The following SPEF2 variants were observed in gnomAD, a reference collection of about 807,000 sequenced individuals.
The protein encoded by SPEF2 is sperm flagella and cilia-associated protein 2.
A neutral mutation model predicts 224.6 loss-of-function variants in SPEF2; 187 were observed. The ratio of observed to expected loss-of-function variants is 0.83; its 90% CI spans 0.74 to 0.94. The LOEUF (loss-of-function observed/expected upper bound fraction) is 0.94, where lower values mean the gene tolerates loss of function less well. Ranked by LOEUF, SPEF2 falls within the 40% of genes least tolerant of loss-of-function variation. SPEF2 has a pLI of 0.00. For synonymous variants in SPEF2, 715 were observed against 707.3 expected (o/e 1.01, Z -0.17); for missense variants, 2,170 against 2,135.6 (o/e 1.02, Z -0.32).
Position 35,806,811 on chromosome 5 carries a change from G to A in SPEF2, c.5115G>A (p.Gln1705=), listed in dbSNP as rs922873944. The A allele has an allele frequency of 6.2e-7, 1 of 1,613,838 alleles. No homozygotes were observed. Among genetic ancestry groups the A allele is most frequent in the African/African-American group, 1.3e-5 (1 of 74,906 alleles). The stretch of plus-strand genomic sequence containing the variant: ...AAGACGACACGGAGAAAAGGGAACA[G>A]AAGGATGAAGAAATCCCTGAAAATG... ...KLKDDTEKRE[Q]KDEEIPENAN... is the part of the protein sequence containing the mutation. The change falls in exon 35 of 37, where the codon CAG becomes CAA. Residue 1705 remains glutamine (Q), a synonymous_variant. Coordinates refer to ENST00000356031, the MANE Select transcript of SPEF2 (RefSeq NM_024867.4).
chr5:35,725,958 A>G (rs1354172988), intron 20 of SPEF2, among the ~76,000 whole-genome samples: 3 of 152,196 alleles, frequency 2.0e-5, no homozygotes, highest in African/African-American at 4.8e-5. Flanking sequence ...TGAGGACTCA[A>G]TGATCCAACT....
intron 25 of SPEF2, among the ~76,000 whole-genome samples, chr5:35,762,740 A>T (rs1286542534): frequency 6.6e-6 from 1 of 152,172 alleles, no homozygotes; most frequent in Non-Finnish European, 1.5e-5. Flanking sequence ...CACAATAAGC[A>T]TTCTACCTTG....
At chr5:35,664,524 A>G (rs1750177387) in intron 8 of SPEF2, among the ~76,000 whole-genome samples, 1 of 152,110 alleles carries the variant, frequency 6.6e-6, no homozygotes, top group Admixed American at 6.5e-5. Flanking sequence ...TACTAAAAAT[A>G]CAAAAATTAG....
intron 2 of SPEF2, among the ~76,000 whole-genome samples, chr5:35,630,136 T>C (rs1260044735): frequency 6.6e-6 from 1 of 152,146 alleles, no homozygotes; most frequent in Non-Finnish European, 1.5e-5. Flanking sequence ...GACAGCTCCG[T>C]CCCTGTGGCT....
intron 10 of SPEF2, among the ~76,000 whole-genome samples, chr5:35,672,029 G>A (rs1448456588): frequency 1.3e-5 from 2 of 151,364 alleles, no homozygotes; most frequent in African/African-American, 2.4e-5. Flanking sequence ...TGTCCTAAAT[G>A]TTCCTACATA....
At chr5:35,797,018 C>A (rs1364673217) in intron 33 of SPEF2, among the ~76,000 whole-genome samples, 1 of 152,162 alleles carries the variant, frequency 6.6e-6, no homozygotes, top group Non-Finnish European at 1.5e-5. Flanking sequence ...ATGAACAAAT[C>A]TGCCATCAAC....
chr5:35,793,606 T>A (rs748022265), intron 32 of SPEF2, among the ~76,000 whole-genome samples: 11 of 152,158 alleles, frequency 7.2e-5, no homozygotes, highest in African/African-American at 2.2e-4. Flanking sequence ...TTATTGTTCT[T>A]CTCCTGAGTT....
intron 3 of SPEF2, among the ~76,000 whole-genome samples, chr5:35,643,917 A>C (rs1283199648): frequency 6.6e-6 from 1 of 152,158 alleles, no homozygotes; most frequent in Non-Finnish European, 1.5e-5. Flanking sequence ...TAAAGCTGAA[A>C]CACAAACCTA....
intron 10 of SPEF2, among the ~76,000 whole-genome samples, chr5:35,682,531 G>T (rs923934379): frequency 1.3e-5 from 2 of 152,158 alleles, no homozygotes; most frequent in Admixed American, 6.5e-5. Context: ...GAACATCTGG[G>T]ACATATCAGG....
intron 21 of SPEF2, among the ~76,000 whole-genome samples, chr5:35,738,970 C>G (rs967899651): frequency 6.6e-5 from 10 of 152,016 alleles, no homozygotes; most frequent in South Asian, 2.1e-4. Context: ...GATGTTTGTT[C>G]TTGTTTCAAT....
intron 26 of SPEF2, among the ~76,000 whole-genome samples, chr5:35,769,989 A>G (rs1016683160): frequency 7.0e-6 from 1 of 142,258 alleles, no homozygotes; most frequent in Non-Finnish European, 1.5e-5. Context: ...TGCCTCCATA[A>G]TGTGTGTGTG....
intron 33 of SPEF2, 146 bp downstream of exon 33, chr5:35,795,941 G>GCT (rs1300388104): frequency 2.9e-6 from 2 of 699,144 alleles, no homozygotes; most frequent in Non-Finnish European, 4.8e-6. Context: ...CCTTAAGTTA[G>GCT]CTCACTAAGG....
At chr5:35,665,261 G>A (rs927902140) in intron 8 of SPEF2, among the ~76,000 whole-genome samples, 4 of 152,042 alleles carry the variant, frequency 2.6e-5, no homozygotes, top group African/African-American at 4.8e-5. Flanking sequence ...TCATAACCAC[G>A]GAGATTTACT....
chr5:35,661,931 G>T (rs1412955834), intron 8 of SPEF2, among the ~76,000 whole-genome samples: 1 of 152,052 alleles, frequency 6.6e-6, no homozygotes, highest in Non-Finnish European at 1.5e-5. Flanking sequence ...TATTCCTTTG[G>T]GTATAAACCC....
chr5:35,646,759 G>A lies in SPEF2; in HGVS notation c.678G>A (p.Leu226=), dbSNP rs1580108398. 1 of 1,613,852 alleles carries A rather than the reference G, an allele frequency of 6.2e-7. No individual in the cohort carries two copies. The highest frequency in any genetic ancestry group is 8.5e-7 in the Non-Finnish European group (1 of 1,179,910). The change falls in exon 5 of 37, where the codon TTG becomes TTA. Residue 226 remains leucine, a synonymous_variant. Coordinates refer to ENST00000356031, the MANE Select transcript of SPEF2 (RefSeq NM_024867.4). ...QIPKPASNRT[L]KALEAQKMMK... ...CTAAACCTGCATCAAATCGTACTTT[G>A]AAAGCACTCGAGGCCCAAAAAATGA...
intron 5 of SPEF2, among the ~76,000 whole-genome samples, chr5:35,647,752 C>A (rs1003396369): frequency 6.6e-6 from 1 of 152,126 alleles, no homozygotes; most frequent in South Asian, 2.1e-4. Context: ...TCGATTCCTC[C>A]TCATCATGCC....
chr5:35,681,607 A>T (rs1354224484), intron 10 of SPEF2, among the ~76,000 whole-genome samples: 1 of 152,236 alleles, frequency 6.6e-6, no homozygotes, highest in Non-Finnish European at 1.5e-5. Context: ...ACCAGTATTT[A>T]TTTTAAAAAA....
At chr5:35,646,409 C>T (rs1430554532) in intron 4 of SPEF2, 2 of 270,034 alleles carry the variant, frequency 7.4e-6, no homozygotes, top group Non-Finnish European at 1.4e-5. Context: ...TTAGTATCAG[C>T]ACACAGAATT....
At position 35,667,162 on chromosome 5, in the gene SPEF2, G is replaced by A. The variant is rs1750586498; in HGVS notation, c.1258G>A (p.Ala420Thr). Residue 420 changes from alanine to threonine, a missense_variant, in exon 9 of 37, where the codon GCT (alanine) becomes ACT (threonine). By Grantham distance (58) the Ala-to-Thr change is moderately conservative (BLOSUM62 0). Coordinates refer to ENST00000356031, the MANE Select transcript of SPEF2 (RefSeq NM_024867.4). Reference protein sequence around the residue: ...HDQIAVERAQARYEKHYSVCA... With the variant: ...HDQIAVERAQTRYEKHYSVCA... ...TCAGATTGCTGTGGAAAGAGCTCAAGCTCGTTATGAAAAGCATTATTCAGT... is the reference window on the plus strand; with the variant it reads ...TCAGATTGCTGTGGAAAGAGCTCAAACTCGTTATGAAAAGCATTATTCAGT... 4 of 1,612,578 alleles carry A rather than the reference G, an allele frequency of 2.5e-6. No individual in the cohort carries two copies. The African/African-American group carries it at 4.0e-5, about 16-fold the overall frequency.
Sources: gnomAD v4.1 joint callset for allele counts (sites outside exome capture counted in the v4.1 genomes callset) on GRCh38, gnomAD v4.1.1 for gene constraint, MANE v1.5 for transcripts, NCBI Gene and HGNC (gene_info 2026-07-23, HGNC 2026-07-21) for gene names.